Variants in SLC9C2 observed in about 807,000 individuals in gnomAD.
SLC9C2 encodes solute carrier family 9 member C2 (putative).
Under a neutral mutation model 140.2 loss-of-function variants are expected in SLC9C2, and 75 were observed. That is an observed-to-expected ratio of 0.53 (90% confidence interval 0.44 to 0.65). SLC9C2 has a LOEUF of 0.65. Ranked by LOEUF, SLC9C2 falls within the 30% of genes least tolerant of loss-of-function variation. The pLI, the probability that SLC9C2 is intolerant of heterozygous loss-of-function variation, is 0.00. For synonymous variants in SLC9C2, 375 were observed against 420.9 expected (o/e 0.89, Z 1.34); for missense variants, 1,074 against 1,331.8 (o/e 0.81, Z 3.01).
chr1:173,548,978 C>T (rs567917485), intron 11 of SLC9C2, among the ~76,000 whole-genome samples: 5 of 152,280 alleles, frequency 3.3e-5, no homozygotes, highest in South Asian at 2.1e-4. Context: ...GTTTCTTATA[C>T]TGTACATAAT....
chr1:173,553,435 GAAGA>G (rs753512250), intron 11 of SLC9C2, among the ~76,000 whole-genome samples: 1 of 152,168 alleles, frequency 6.6e-6, no homozygotes, highest in Non-Finnish European at 1.5e-5. Context: ...TTCATGAAAG[GAAGA>G]GTCAGTTGAT....
chr1:173,600,987 T>C (rs1666740942), intron 2 of SLC9C2, among the ~76,000 whole-genome samples: 1 of 152,220 alleles, frequency 6.6e-6, no homozygotes, highest in African/African-American at 2.4e-5. Context: ...GACTAAAGCA[T>C]CTGTGTGTTG....
intron 11 of SLC9C2, among the ~76,000 whole-genome samples, chr1:173,550,457 T>TTTTTA (rs1361235994): frequency 6.6e-6 from 1 of 150,686 alleles, no homozygotes; most frequent in African/African-American, 2.4e-5. Flanking sequence ...TATTTATTTT[T>TTTTTA]GAGGAGGAGT....
intron 13 of SLC9C2, among the ~76,000 whole-genome samples, chr1:173,545,586 A>G (rs934548773): frequency 6.6e-6 from 1 of 152,140 alleles, no homozygotes; most frequent in African/African-American, 2.4e-5. Context: ...CTAGATCAAG[A>G]AGACTCACAC....
At chr1:173,511,177 G>A (rs933253265) in intron 23 of SLC9C2, among the ~76,000 whole-genome samples, 2 of 151,568 alleles carry the variant, frequency 1.3e-5, no homozygotes, top group African/African-American at 4.9e-5. Flanking sequence ...GGGACTATAA[G>A]TGCGCCACCA....
At chr1:173,568,293 TC>T (rs1469869354) in intron 9 of SLC9C2, among the ~76,000 whole-genome samples, 1 of 152,116 alleles carries the variant, frequency 6.6e-6, no homozygotes, top group Non-Finnish European at 1.5e-5. Context: ...TCCTCCCACC[TC>T]AAGTAGATCT....
intron 4 of SLC9C2, among the ~76,000 whole-genome samples, chr1:173,591,840 C>A (rs947161130): frequency 8.5e-5 from 13 of 152,112 alleles, no homozygotes; most frequent in Non-Finnish European, 1.8e-4. Context: ...TTGATAATTT[C>A]TTTTGCTGTG....
At chr1:173,522,998 A>G (rs1265123931) in intron 21 of SLC9C2, among the ~76,000 whole-genome samples, 1 of 152,142 alleles carries the variant, frequency 6.6e-6, no homozygotes, top group African/African-American at 2.4e-5. Context: ...CTAGCACTTA[A>G]CAACCATCTG....
At chr1:173,505,373 G>T in intron 25 of SLC9C2, 42 bp from the exon 26 acceptor site, 2 of 1,464,760 alleles carry the variant, frequency 1.4e-6, no homozygotes, top group South Asian at 1.1e-5. Context: ...AGCATTCTTT[G>T]ATCTCTAACC....
chr1:173,504,317 G>A (rs1659478753), intron 26 of SLC9C2, among the ~76,000 whole-genome samples: 1 of 152,092 alleles, frequency 6.6e-6, no homozygotes, highest in African/African-American at 2.4e-5. Flanking sequence ...TCCCTATGAA[G>A]GCAAACACCT....
intron 10 of SLC9C2, among the ~76,000 whole-genome samples, chr1:173,555,833 C>T (rs2102094695): frequency 6.6e-6 from 1 of 152,188 alleles, no homozygotes; most frequent in Non-Finnish European, 1.5e-5. Flanking sequence ...AATAGCACTT[C>T]CTGTTTGGGG....
intron 13 of SLC9C2, among the ~76,000 whole-genome samples, chr1:173,538,901 G>C (rs1392469357): frequency 6.6e-6 from 1 of 152,040 alleles, no homozygotes; most frequent in Non-Finnish European, 1.5e-5. Flanking sequence ...ACTTTTCTTG[G>C]AATGTGATAT....
intron 23 of SLC9C2, among the ~76,000 whole-genome samples, chr1:173,510,301 G>C (rs887707293): frequency 6.6e-6 from 1 of 152,060 alleles, no homozygotes; most frequent in Non-Finnish European, 1.5e-5. Flanking sequence ...GAATTCTTTG[G>C]CTCATTTCTT....
chr1:173,517,864 T>C (rs1464276579), intron 22 of SLC9C2, among the ~76,000 whole-genome samples, 160 bp from the exon 23 acceptor site: 3 of 152,214 alleles, frequency 2.0e-5, no homozygotes, highest in Non-Finnish European at 4.4e-5. Flanking sequence ...AAAATCATGA[T>C]TTCTTTAACA....
chr1:173,579,182 A>G (rs1403301725), intron 7 of SLC9C2, among the ~76,000 whole-genome samples: 2 of 152,190 alleles, frequency 1.3e-5, no homozygotes, highest in Non-Finnish European at 2.9e-5. Flanking sequence ...CAACCAAAAT[A>G]CAGATATTTC....
intron 17 of SLC9C2, among the ~76,000 whole-genome samples, chr1:173,530,356 T>C (rs1661495804): frequency 6.6e-6 from 1 of 152,190 alleles, no homozygotes; most frequent in South Asian, 2.1e-4. Flanking sequence ...GGAAAGTCTC[T>C]AGCACTGCCT....
intron 4 of SLC9C2, among the ~76,000 whole-genome samples, chr1:173,592,561 G>C (rs1031322971): frequency 1.3e-5 from 2 of 152,072 alleles, no homozygotes; most frequent in African/African-American, 4.8e-5. Flanking sequence ...TCTCATTGTA[G>C]AGATCTTTCA....
chr1:173,587,588 G>T, intron 5 of SLC9C2, 77 bp downstream of exon 5: 1 of 1,356,752 alleles, frequency 7.4e-7, no homozygotes, highest in East Asian at 2.4e-5. Flanking sequence ...CACAATTCAT[G>T]CAAGAAAAAT....
intron 23 of SLC9C2, among the ~76,000 whole-genome samples, chr1:173,515,014 G>A (rs1486530685): frequency 2.0e-5 from 3 of 152,196 alleles, no homozygotes; most frequent in African/African-American, 7.2e-5. Flanking sequence ...TTTCGGCGGA[G>A]AGGTCCACTG....
Sources: allele counts gnomAD v4.1 joint callset (sites outside exome capture counted in the v4.1 genomes callset), GRCh38; gene constraint gnomAD v4.1.1; transcripts MANE v1.5; gene names NCBI Gene and HGNC (gene_info 2026-07-23, HGNC 2026-07-21).